Variants in TM9SF3 observed in about 807,000 individuals in gnomAD.
TM9SF3 encodes the protein transmembrane 9 superfamily member 3.
In TM9SF3, 14 loss-of-function variants were observed where a neutral mutation model predicts 78.6. That is an observed-to-expected ratio of 0.18 (90% CI 0.12 to 0.28). The LOEUF is 0.28. Ranked by LOEUF, TM9SF3 falls within the 10% of genes least tolerant of loss-of-function variation. The pLI, the probability that TM9SF3 is intolerant of heterozygous loss-of-function variation, is 1.00. For synonymous variants in TM9SF3, 231 were observed against 241.7 expected, an observed-to-expected ratio of 0.96 and a Z score of 0.41; for missense variants, 496 against 721.9, an observed-to-expected ratio of 0.69 and a Z score of 3.59.
intron 11 of TM9SF3, among the ~76,000 whole-genome samples, chr10:96,529,287 T>C (rs1399909147): frequency 1.3e-5 from 2 of 152,332 alleles, no homozygotes; most frequent in Non-Finnish European, 2.9e-5. Flanking sequence ...TATCTATTTA[T>C]GTCAGTTGTA....
At chr10:96,537,659 C>A (rs1172058099) in intron 9 of TM9SF3, among the ~76,000 whole-genome samples, 1 of 152,146 alleles carries the variant, frequency 6.6e-6, no homozygotes, top group African/African-American at 2.4e-5. Context: ...ATGGTGAAAG[C>A]CTATCTCTAT....
chr10:96,538,635 T>C (rs1414535506), intron 9 of TM9SF3, among the ~76,000 whole-genome samples: 2 of 152,072 alleles, frequency 1.3e-5, no homozygotes, highest in African/African-American at 4.8e-5. Context: ...AAAATACATA[T>C]AAGACAAAAG....
chr10:96,572,526 T>A (rs1454414068), intron 2 of TM9SF3, among the ~76,000 whole-genome samples: 1 of 101,772 alleles, frequency 9.8e-6, no homozygotes, highest in East Asian at 2.1e-4. Context: ...ACGCATTTTC[T>A]TTTTTTTTTT....
intron 5 of TM9SF3, 148 bp from the exon 6 acceptor site, chr10:96,553,207 T>G (rs1848194870): frequency 1.3e-6 from 1 of 758,142 alleles, no homozygotes; most frequent in Non-Finnish European, 1.9e-6. Context: ...TCAGACACTT[T>G]GAGGATGAGT....
At chr10:96,553,306 A>C (rs10882817) in intron 5 of TM9SF3, among the ~76,000 whole-genome samples, 89,407 of 152,104 alleles carry the variant, frequency 0.59, 27,998 homozygotes, top group East Asian at 0.83. Context: ...TTCAAAATCA[A>C]ATTTATTGTT....
In TM9SF3 at chr10:96,586,956, G is replaced by A. The variant is rs998252369; in HGVS notation, c.-121C>T. On this transcript the variant is annotated 5_prime_UTR_variant, in exon 1 of 15. Transcript: ENST00000371142. ...CCACGGGGCGCGGACAGACGCACGG[G>A]GCCCGGCCCAGCCGCTGCCTCCTCT... 26 of 795,222 alleles carry A rather than the reference G, an allele frequency of 3.3e-5. No individual in the cohort carries two copies. The African/African-American group carries it at 3.9e-4, about 12-fold the overall frequency. 49.3% of individuals were successfully genotyped at this position (795,222 alleles called of 1,614,324 possible). A position where few individuals can be genotyped will look rare whatever the true frequency, so the allele number is the denominator to read the frequency against.
intron 8 of TM9SF3, among the ~76,000 whole-genome samples, chr10:96,545,512 G>A (rs72814968): frequency 0.018 from 2,781 of 152,262 alleles, 36 homozygotes; most frequent in Non-Finnish European, 0.027. Flanking sequence ...ATTAATTAAA[G>A]TATTACTTCT....
In TM9SF3 at chr10:96,562,119, A is replaced by G. The variant is rs376522032; in HGVS notation, c.441T>C (p.Asp147=). 22 of 1,612,088 alleles carry G rather than the reference A, an allele frequency of 1.4e-5. No individual in the cohort carries two copies. Among genetic ancestry groups the G allele is most frequent in the South Asian group, 2.2e-5 (2 of 90,838 alleles). Residue 147 remains aspartate (D), a synonymous_variant, in exon 4 of 15, where the codon GAT becomes GAC. Coordinates refer to ENST00000371142, the MANE Select transcript of TM9SF3 (RefSeq NM_020123.4). ...AAAGATAGTAATCTTCTCCATTTTC[A>G]TCAGCCTCACCAACAATACCTACAA... ...LPIWGIVGEA[D]ENGEDYYLWT...
intron 11 of TM9SF3, among the ~76,000 whole-genome samples, chr10:96,530,074 AATAC>A (rs1404138965): frequency 8.5e-5 from 13 of 152,188 alleles, no homozygotes; most frequent in Non-Finnish European, 1.5e-4. Context: ...CTTATCTCTA[AATAC>A]ATACACACTT....
rs1848167893 is a variant in TM9SF3 at position 96,551,396 on chromosome 10, C to T, written c.808G>A (p.Asp270Asn). ...TGCACCTGTTTCCATCCATATTCAT[C>T]TCCTAGGTCTCTATCCTATATACAA... ...EMDDMDRDLG[D>N]EYGWKQVHGD... The change falls in exon 7 of 15, where the codon GAT becomes AAT. Residue 270 changes from aspartate (D) to asparagine (N), a missense_variant. Transcript: ENST00000371142. 1 of 1,607,914 alleles carries T rather than the reference C, an allele frequency of 6.2e-7. No homozygotes were observed. Among genetic ancestry groups the T allele is most frequent in the South Asian group, 1.1e-5 (1 of 90,488 alleles).
chr10:96,542,675 ACT>A (rs1461074167), intron 9 of TM9SF3, among the ~76,000 whole-genome samples: 1 of 151,980 alleles, frequency 6.6e-6, no homozygotes, highest in Non-Finnish European at 1.5e-5. Context: ...AACCTGACTC[ACT>A]CTATGTACTT....
intron 9 of TM9SF3, chr10:96,543,702 C>T (rs1197363029): frequency 6.5e-6 from 1 of 153,288 alleles, no homozygotes; most frequent in Non-Finnish European, 1.5e-5. Context: ...AAAAGCTTTA[C>T]TTTCTACCAC....
intron 7 of TM9SF3, among the ~76,000 whole-genome samples, chr10:96,550,870 A>T (rs1401448544): frequency 1.3e-5 from 2 of 152,198 alleles, no homozygotes; most frequent in African/African-American, 4.8e-5. Context: ...GGTAAATATG[A>T]AGTAACTTAG....
intron 2 of TM9SF3, among the ~76,000 whole-genome samples, chr10:96,566,485 T>G (rs1564937822): frequency 6.6e-6 from 1 of 152,100 alleles, no homozygotes; most frequent in Non-Finnish European, 1.5e-5. Flanking sequence ...TAGACCAACC[T>G]AAAGTGGGTA....
intron 7 of TM9SF3, among the ~76,000 whole-genome samples, chr10:96,550,416 G>A (rs945252293): frequency 6.6e-6 from 1 of 152,144 alleles, no homozygotes; most frequent in Non-Finnish European, 1.5e-5. Context: ...CCCATCAAAC[G>A]CCAGGCATAT....
At chr10:96,585,267 AT>A (rs1300352649) in intron 1 of TM9SF3, among the ~76,000 whole-genome samples, 30 of 152,310 alleles carry the variant, frequency 2.0e-4, no homozygotes, top group African/African-American at 7.2e-4. Flanking sequence ...TATATTAGTA[AT>A]AATATCATTA....
chr10:96,541,120 CTG>C (rs1360772110), intron 9 of TM9SF3, among the ~76,000 whole-genome samples: 1 of 152,042 alleles, frequency 6.6e-6, no homozygotes, highest in African/African-American at 2.4e-5. Flanking sequence ...TAACCTGCCT[CTG>C]TGAGTTTTAA....
rs920899517 is a variant in TM9SF3, at chr10:96,520,416, T to G, written c.*1847A>C. 6.6e-6 allele frequency: 1 copy of G among 152,542 alleles called. No homozygotes were observed. Among genetic ancestry groups the G allele is most frequent in the African/African-American group, 2.4e-5 (1 of 41,472 alleles). 9.4% of individuals were successfully genotyped at this position (152,542 alleles called of 1,614,324 possible). On this transcript the variant is annotated 3_prime_UTR_variant, in exon 15 of 15. Transcript: ENST00000371142. ...TCATACTTTTCACCTTTTAAAGGACTTACATGTCACAATATAGGATGTAGA... is the reference window on the plus strand; with the variant it reads ...TCATACTTTTCACCTTTTAAAGGACGTACATGTCACAATATAGGATGTAGA...
At chr10:96,575,407 G>A (rs992525142) in intron 2 of TM9SF3, among the ~76,000 whole-genome samples, 3 of 149,444 alleles carry the variant, frequency 2.0e-5, no homozygotes, top group Admixed American at 6.7e-5. Context: ...CCATGCCACT[G>A]TGGTTTAAAT....
Sources: allele counts gnomAD v4.1 joint callset (sites outside exome capture counted in the v4.1 genomes callset), GRCh38; gene constraint gnomAD v4.1.1; transcripts MANE v1.5; gene names NCBI Gene and HGNC (gene_info 2026-07-23, HGNC 2026-07-21).